Variants in SEMA3D observed in about 807,000 individuals in gnomAD.
SEMA3D encodes the protein semaphorin-3D.
A neutral mutation model predicts 100.1 loss-of-function variants in SEMA3D; 84 were observed. The ratio of observed to expected loss-of-function variants is 0.84; its 90% CI spans 0.70 to 1.01. SEMA3D has a LOEUF of 1.01. SEMA3D is among the 50% of genes least tolerant of loss of function. The probability of loss-of-function intolerance (pLI) is 0.00; values close to 1 mark genes in which losing one functional copy is unlikely to be tolerated. For missense variants in SEMA3D, 875 were observed against 934.1 expected (o/e 0.94, Z 0.82); for synonymous variants, 312 against 320.7 (o/e 0.97, Z 0.29).
intron 12 of SEMA3D, among the ~76,000 whole-genome samples, chr7:85,031,107 G>A (rs1001960343): frequency 2.6e-5 from 4 of 151,956 alleles, no homozygotes; most frequent in African/African-American, 9.7e-5. Context: ...TCATGGTTAA[G>A]CTAGGAGTTT....
chr7:85,071,397 T>G (rs1344306803), intron 6 of SEMA3D, among the ~76,000 whole-genome samples: 1 of 152,210 alleles, frequency 6.6e-6, no homozygotes, highest in Non-Finnish European at 1.5e-5. Context: ...TCCATAGTTG[T>G]GGGTTTGATC....
At chr7:85,069,507 TA>T (rs1791714989) in intron 6 of SEMA3D, among the ~76,000 whole-genome samples, 2 of 152,152 alleles carry the variant, frequency 1.3e-5, no homozygotes, top group South Asian at 2.1e-4. Context: ...GAAAATAATA[TA>T]AAAAATAATG....
At chr7:85,020,550 C>A (rs1323956563) in intron 13 of SEMA3D, among the ~76,000 whole-genome samples, 1 of 151,410 alleles carries the variant, frequency 6.6e-6, no homozygotes, top group East Asian at 2.0e-4. Context: ...TTAAAGGATG[C>A]ATATTCAGAG....
Position 85,139,126 on chromosome 7 carries a change from C to T in SEMA3D, c.-41+14482G>A, listed in dbSNP as rs896200539. Among the ~76,000 whole-genome samples, 4 of 152,158 alleles carry T rather than the reference C, an allele frequency of 2.6e-5. No individual in the cohort carries two copies. The South Asian group carries it at 6.2e-4, about 24-fold the overall frequency. Reference sequence around the variant, plus strand: ...TAGGTGCAAGGACTGATCCCTGGCACACTCCATTATTCAAAGGTCAGAGAG... The same window carrying T: ...TAGGTGCAAGGACTGATCCCTGGCATACTCCATTATTCAAAGGTCAGAGAG... On this transcript the variant is annotated intron_variant, in intron 2 of 18. Transcript: ENST00000284136.
At chr7:85,147,052 G>C (rs1790225941) in intron 2 of SEMA3D, among the ~76,000 whole-genome samples, 1 of 145,166 alleles carries the variant, frequency 6.9e-6, no homozygotes, top group Non-Finnish European at 1.5e-5. Context: ...TCACAGAAGT[G>C]GAATTTTCTG....
At chr7:85,051,657 G>A (rs184235504) in intron 9 of SEMA3D, among the ~76,000 whole-genome samples, 38 of 152,024 alleles carry the variant, frequency 2.5e-4, no homozygotes, top group Admixed American at 2.4e-3. Context: ...AGACTACTGA[G>A]CCTCAGGTTA....
the SEMA3D span, among the ~76,000 whole-genome samples, chr7:85,225,162 A>C: frequency 7.2e-4 from 98 of 136,544 alleles, no homozygotes; most frequent in African/African-American, 2.6e-3. Context: ...ATATATAATA[A>C]ATATATATAT....
At chr7:85,058,415 C>T (rs1428843154) in intron 8 of SEMA3D, among the ~76,000 whole-genome samples, 5 of 151,474 alleles carry the variant, frequency 3.3e-5, no homozygotes, top group African/African-American at 7.3e-5. Context: ...TTTTTTTAAT[C>T]GCAAACCAAC....
intron 1 of SEMA3D, among the ~76,000 whole-genome samples, chr7:85,176,781 C>CT (rs1791241356): frequency 6.8e-6 from 1 of 146,390 alleles, no homozygotes; most frequent in Non-Finnish European, 1.5e-5. Context: ...TATTTGTATA[C>CT]ATATATATAT....
At chr7:85,234,313 C>T in the SEMA3D span, among the ~76,000 whole-genome samples, 2 of 152,166 alleles carry the variant, frequency 1.3e-5, no homozygotes, top group Non-Finnish European at 2.9e-5. Context: ...GAACTGGATG[C>T]ACCTTCAGTA....
chr7:85,074,853 C>T (rs572859840), intron 5 of SEMA3D, among the ~76,000 whole-genome samples: 44 of 152,188 alleles, frequency 2.9e-4, no homozygotes, highest in South Asian at 6.2e-4. Context: ...CTCCTGGCCT[C>T]AAGCAATCCT....
Position 85,020,281 on chromosome 7 carries a change from T to C in SEMA3D, c.1455A>G (p.Glu485=). The change falls in exon 14 of 19, where the codon GAA becomes GAG. Residue 485 remains glutamate (E), a synonymous_variant. Coordinates refer to ENST00000284136, the MANE Select transcript of SEMA3D (RefSeq NM_001384900.1). The part of the protein sequence containing the change: ...TVLKVVSISK[E]KWNMEEVVLE... Reference sequence around the variant, plus strand: ...GCACTACCTCTTCCATATTCCACTTTTCCTTTGAAATGCTGACAACTTTGA... The same window carrying C: ...GCACTACCTCTTCCATATTCCACTTCTCCTTTGAAATGCTGACAACTTTGA... 6.2e-7 allele frequency: 1 copy of C among 1,610,376 alleles called. No homozygotes were observed. The highest frequency in any genetic ancestry group is 8.5e-7 in the Non-Finnish European group (1 of 1,177,586).
At chr7:85,061,600 T>C (rs1003649237) in intron 8 of SEMA3D, among the ~76,000 whole-genome samples, 1 of 152,202 alleles carries the variant, frequency 6.6e-6, no homozygotes, top group Non-Finnish European at 1.5e-5. Context: ...CCATTGACTT[T>C]GGACCATAGG....
At chr7:85,014,919 C>G in intron 16 of SEMA3D, 140 bp downstream of exon 16, 1 of 560,986 alleles carries the variant, frequency 1.8e-6, no homozygotes, top group Non-Finnish European at 2.9e-6. Context: ...TATAAAACAA[C>G]ATTTTGATTT....
chr7:85,194,847 C>T, the SEMA3D span, among the ~76,000 whole-genome samples: 1 of 150,864 alleles, frequency 6.6e-6, no homozygotes, highest in African/African-American at 2.4e-5. Context: ...TGGTGTTTTT[C>T]CATCATCTTT....
the SEMA3D span, among the ~76,000 whole-genome samples, chr7:85,234,563 C>T: frequency 1.3e-5 from 2 of 152,124 alleles, no homozygotes; most frequent in African/African-American, 4.8e-5. Flanking sequence ...TTGAGGGCTG[C>T]ACCTACAGAG....
At chr7:85,033,650 T>C (rs1584538244) in intron 12 of SEMA3D, among the ~76,000 whole-genome samples, 1 of 152,210 alleles carries the variant, frequency 6.6e-6, no homozygotes, top group Middle Eastern at 3.4e-3. Flanking sequence ...CATTCTCCTA[T>C]AATATCTAGA....
chr7:85,136,655 C>T (rs1011669288), intron 2 of SEMA3D, among the ~76,000 whole-genome samples: 5 of 152,002 alleles, frequency 3.3e-5, no homozygotes, highest in African/African-American at 4.8e-5. Context: ...CATTGAAAGG[C>T]ATATTATGCT....
At chr7:85,137,811 A>G (rs1554347199) in intron 2 of SEMA3D, among the ~76,000 whole-genome samples, 1 of 152,178 alleles carries the variant, frequency 6.6e-6, no homozygotes, top group Non-Finnish European at 1.5e-5. Flanking sequence ...AAAATAGTCA[A>G]TGAACACATC....
Sources: allele counts gnomAD v4.1 joint callset (sites outside exome capture counted in the v4.1 genomes callset), GRCh38; gene constraint gnomAD v4.1.1; transcripts MANE v1.5; gene names NCBI Gene and HGNC (gene_info 2026-07-23, HGNC 2026-07-21).